EXOSC4: variants seen among roughly 807,000 people sequenced by gnomAD.
EXOSC4 encodes exosome component 4.
A neutral mutation model predicts 20.0 loss-of-function variants in EXOSC4; 14 were observed. That is an observed-to-expected ratio of 0.70 (90% CI 0.46 to 1.09). The LOEUF is 1.09. Ranked by LOEUF, EXOSC4 falls within the 50% of genes least tolerant of loss-of-function variation. The pLI is 0.00. For missense variants in EXOSC4, 337 were observed against 334.0 expected (o/e 1.01, Z -0.07); for synonymous variants, 148 against 146.4 (o/e 1.01, Z -0.08).
At position 144,080,208 on chromosome 8, in the gene EXOSC4, A is replaced by C. The variant is rs782061268; in HGVS notation, c.379-34A>C. The C allele has an allele frequency of 1.2e-6, 2 of 1,608,976 alleles. No homozygotes were observed. Among genetic ancestry groups the C allele is most frequent in the South Asian group, 2.2e-5 (2 of 90,672 alleles). On this transcript the variant is annotated intron_variant, in intron 2 of 2. Coordinates refer to ENST00000316052, the MANE Select transcript of EXOSC4 (RefSeq NM_019037.3). The surrounding 1 kb of genome is among the most constrained non-coding windows in gnomAD (Gnocchi z 4.9). ...AAGGGTGTGATGGGGTTGGGGAGGGAGTCTGATAGACTGACACCCTGGGTT... is the reference window on the plus strand; with the variant it reads ...AAGGGTGTGATGGGGTTGGGGAGGGCGTCTGATAGACTGACACCCTGGGTT...
At chr8:144,073,837 C>T (rs1835812395), upstream of EXOSC4, among the ~76,000 whole-genome samples, 1 of 151,318 alleles carries the variant, frequency 6.6e-6, no homozygotes. Context: ...GGTGACAGAG[C>T]GAGACTCTGT....
intron 1 of EXOSC4, 137 bp from the exon 2 acceptor site, chr8:144,079,806 C>T (rs1564302182): frequency 1.1e-6 from 1 of 869,766 alleles, no homozygotes; most frequent in Non-Finnish European, 2.0e-6. Flanking sequence ...GAGCGCAAAA[C>T]AGGGGGCTTT....
chr8:144,067,222 G>A, the EXOSC4 span, among the ~76,000 whole-genome samples: 1 of 152,206 alleles, frequency 6.6e-6, no homozygotes, highest in African/African-American at 2.4e-5. Context: ...TGTACATGCC[G>A]TGCATAATCC....
At chr8:144,066,903 C>T in the EXOSC4 span, among the ~76,000 whole-genome samples, 457 of 152,036 alleles carry the variant, frequency 3.0e-3, 1 homozygote, top group Non-Finnish European at 5.5e-3. Context: ...GCCGGACCAA[C>T]GTGAAGAAAC....
chr8:144,064,840 CT>C, the EXOSC4 span, among the ~76,000 whole-genome samples: 539 of 136,668 alleles, frequency 3.9e-3, 1 homozygote, highest in African/African-American at 0.011. Context: ...TCCAATCTGT[CT>C]TTTTTTTTTT....
chr8:144,078,465 T>C (rs370678224), upstream of EXOSC4: 64 of 338,302 alleles, frequency 1.9e-4, no homozygotes, highest in African/African-American at 1.3e-3. The surrounding 1 kb of genome is among the most constrained non-coding windows in gnomAD (Gnocchi z 4.7). Context: ...GAGACAGAAG[T>C]AGAGCCGGAC....
At chr8:144,077,381 G>A (rs913546013), upstream of EXOSC4, among the ~76,000 whole-genome samples, 7 of 152,316 alleles carry the variant, frequency 4.6e-5, no homozygotes, top group South Asian at 2.1e-4. Context: ...TGGGGAATCC[G>A]GGGTGGCAAG....
rs1554763042 is a variant in EXOSC4, at chr8:144,078,748, T to C, written c.20T>C (p.Leu7Ser). 6.7e-7 allele frequency: 1 copy of C among 1,484,644 alleles called. No individual in the cohort carries two copies. The highest frequency in any genetic ancestry group is 9.0e-7 in the Non-Finnish European group (1 of 1,115,862). The allele number at this position is 1,484,644 out of a possible 1,614,324, so 92.0% of individuals were successfully genotyped here. Residue 7 changes from leucine to serine, a missense_variant, in exon 1 of 3, where the codon TTG (leucine) becomes TCG (serine). Physicochemically the swap from Leu to Ser is moderately radical, Grantham distance 145. Coordinates refer to ENST00000316052, the MANE Select transcript of EXOSC4 (RefSeq NM_019037.3). This position sits in a 1 kb window ranked among gnomAD's most constrained non-coding sequence, Gnocchi z 4.7. ...GGCAGCATGGCGGGGCTGGAGCTCT[T>C]GTCGGACCAGGGCTACCGGGTGGAC... MAGLEL[L>S]SDQGYRVDGR...
rs1474429068 is a variant in EXOSC4 at position 144,080,124 on chromosome 8, G to A, written c.353G>A (p.Arg118His). The change falls in exon 2 of 3, where the codon CGC becomes CAC. Residue 118 changes from arginine to histidine, a missense_variant. By Grantham distance (29) the Arg-to-His change is conservative. Coordinates refer to ENST00000316052, the MANE Select transcript of EXOSC4 (RefSeq NM_019037.3). This position sits in a 1 kb window ranked among gnomAD's most constrained non-coding sequence, Gnocchi z 4.9. ...GCCATCCTCACACAGCTGCACCCAC[G>A]CTCCCAGATTGATATCTATGTGCAG... is the stretch of plus-strand genomic sequence containing the variant. ...EAAILTQLHP[R>H]SQIDIYVQVL... The A allele has an allele frequency of 5.6e-6, 9 of 1,612,972 alleles. No individual in the cohort carries two copies. Among genetic ancestry groups the A allele is most frequent in the Admixed American group, 1.7e-5 (1 of 59,970 alleles).
At chr8:144,070,530 A>G in the EXOSC4 span, among the ~76,000 whole-genome samples, 1 of 150,494 alleles carries the variant, frequency 6.6e-6, no homozygotes, top group South Asian at 2.1e-4. Context: ...TCTCAAAAAA[A>G]AAAAAAAAAA....
At chr8:144,067,972 G>A in the EXOSC4 span, among the ~76,000 whole-genome samples, 1 of 152,232 alleles carries the variant, frequency 6.6e-6, no homozygotes, top group African/African-American at 2.4e-5. Context: ...CTGCCAGCCT[G>A]CATTCCTTCC....
the EXOSC4 span, among the ~76,000 whole-genome samples, chr8:144,068,870 A>G: frequency 6.0e-4 from 92 of 152,288 alleles, no homozygotes; most frequent in Middle Eastern, 0.014. Flanking sequence ...CACCTGCCAC[A>G]GCACAGGGGT....
At position 144,078,723 on chromosome 8, in the gene EXOSC4, G is replaced by T; in HGVS notation, c.-6G>T. The T allele has an allele frequency of 6.9e-7, 1 of 1,453,136 alleles. No homozygotes were observed. The highest frequency in any genetic ancestry group is 9.1e-7 in the Non-Finnish European group (1 of 1,100,444). The allele number at this position is 1,453,136 out of a possible 1,614,324, so 90.0% of individuals were successfully genotyped here. On this transcript the variant is annotated 5_prime_UTR_variant, in exon 1 of 3. Coordinates refer to ENST00000316052, the MANE Select transcript of EXOSC4 (RefSeq NM_019037.3). The surrounding 1 kb of genome is among the most constrained non-coding windows in gnomAD (Gnocchi z 4.7). ...AGGCAGAGAGCGGACCTGGCGGCCG[G>T]GCAGCATGGCGGGGCTGGAGCTCTT...
At chr8:144,076,800 C>G (rs547381806), upstream of EXOSC4, among the ~76,000 whole-genome samples, 3 of 152,114 alleles carry the variant, frequency 2.0e-5, no homozygotes, top group Non-Finnish European at 4.4e-5. Flanking sequence ...AGTGGACAAC[C>G]CAGTAATGGC....
chr8:144,064,717 G>A, the EXOSC4 span, among the ~76,000 whole-genome samples: 1 of 152,220 alleles, frequency 6.6e-6, no homozygotes, highest in Admixed American at 6.5e-5. Context: ...GCCCACCAGA[G>A]GCTGAGGACC....
the EXOSC4 span, among the ~76,000 whole-genome samples, chr8:144,072,821 C>G: frequency 6.6e-6 from 1 of 152,346 alleles, no homozygotes; most frequent in East Asian, 1.9e-4. Flanking sequence ...GAATCCATAT[C>G]TTGCCTACTG....
chr8:144,072,610 G>T, the EXOSC4 span, among the ~76,000 whole-genome samples: 4 of 152,044 alleles, frequency 2.6e-5, no homozygotes, highest in Non-Finnish European at 4.4e-5. Flanking sequence ...GTCTACCTCC[G>T]CAAGATCAAC....
rs1835886798 is a variant in EXOSC4 at position 144,080,328 on chromosome 8, C to G, written c.465C>G (p.Asp155Glu). The change falls in exon 3 of 3, where the codon GAC becomes GAG. Residue 155 changes from aspartate (D) to glutamate (E), a missense_variant. Coordinates refer to ENST00000316052, the MANE Select transcript of EXOSC4 (RefSeq NM_019037.3). This position sits in a 1 kb window ranked among gnomAD's most constrained non-coding sequence, Gnocchi z 4.9. Reference protein sequence around the residue: ...AVLDAGIPMRDFVCACSAGFV... With the variant: ...AVLDAGIPMREFVCACSAGFV... Reference sequence around the variant, plus strand: ...TGGATGCCGGGATACCCATGAGAGACTTTGTGTGTGCGTGCTCAGCTGGCT... The same window carrying G: ...TGGATGCCGGGATACCCATGAGAGAGTTTGTGTGTGCGTGCTCAGCTGGCT... 5.0e-6 allele frequency: 8 copies of G among 1,613,586 alleles called. No individual in the cohort carries two copies. Among genetic ancestry groups the G allele is most frequent in the Non-Finnish European group, 6.8e-6 (8 of 1,180,036 alleles).
upstream of EXOSC4, among the ~76,000 whole-genome samples, chr8:144,076,213 G>A (rs1442733405): frequency 2.0e-5 from 3 of 152,194 alleles, no homozygotes; most frequent in Admixed American, 6.5e-5. Context: ...TCACACACAC[G>A]GCTCCAGCTT....
Sources: gnomAD v4.1 joint callset for allele counts (sites outside exome capture counted in the v4.1 genomes callset) on GRCh38, gnomAD v4.1.1 for gene constraint, Gnocchi (gnomAD v3.1) non-coding constraint, MANE v1.5 for transcripts, NCBI Gene and HGNC (gene_info 2026-07-23, HGNC 2026-07-21) for gene names.